Variants in ROBO1 observed in about 807,000 individuals in gnomAD.
ROBO1 encodes the protein roundabout guidance receptor 1.
In ROBO1, 149 loss-of-function variants were observed where a neutral mutation model predicts 195.9. The ratio of observed to expected loss-of-function variants is 0.76; its 90% CI spans 0.67 to 0.87. ROBO1 has a LOEUF of 0.87. Among genes scored for constraint, ROBO1 ranks in the 40% least tolerant of loss-of-function variants. The pLI is 0.00. For missense variants in ROBO1, 1,933 were observed against 2,068.3 expected (o/e 0.93, Z 1.27); for synonymous variants, 816 against 733.2 (o/e 1.11, Z -1.82).
intron 2 of ROBO1, among the ~76,000 whole-genome samples, chr3:79,297,733 T>C (rs901335343): frequency 6.6e-6 from 1 of 152,156 alleles, no homozygotes; most frequent in Non-Finnish European, 1.5e-5. Flanking sequence ...ATTTCTTTTA[T>C]TGAAATATGG....
chr3:78,637,987 G>T (rs765488572), intron 22 of ROBO1, among the ~76,000 whole-genome samples: 1 of 149,952 alleles, frequency 6.7e-6, no homozygotes, highest in African/African-American at 2.5e-5. Context: ...TTTTTTTTGG[G>T]GGGGGGAGGG....
chr3:79,353,097 G>A (rs1403565943), intron 2 of ROBO1, among the ~76,000 whole-genome samples: 2 of 152,038 alleles, frequency 1.3e-5, no homozygotes, highest in Non-Finnish European at 2.9e-5. Context: ...CTGTCTATCC[G>A]TAATCTAAAA....
chr3:79,116,435 T>G (rs1234777967), intron 3 of ROBO1, among the ~76,000 whole-genome samples: 1 of 150,950 alleles, frequency 6.6e-6, no homozygotes, highest in African/African-American at 2.4e-5. Flanking sequence ...TCTTTTCCTT[T>G]CCTTTCCTTT....
chr3:79,568,751 A>G (rs1943173945), intron 2 of ROBO1, among the ~76,000 whole-genome samples: 1 of 152,144 alleles, frequency 6.6e-6, no homozygotes, highest in Non-Finnish European at 1.5e-5. Context: ...TATTTGCCAT[A>G]TCACAGTGCA....
chr3:79,508,635 A>G (rs1940538284), intron 2 of ROBO1, among the ~76,000 whole-genome samples: 1 of 152,214 alleles, frequency 6.6e-6, no homozygotes, highest in Non-Finnish European at 1.5e-5. Context: ...ATTCTCAGAA[A>G]TTACGTTTGA....
intron 4 of ROBO1, among the ~76,000 whole-genome samples, chr3:78,864,462 T>G (rs2035040895): frequency 6.6e-6 from 1 of 150,592 alleles, no homozygotes; most frequent in African/African-American, 2.5e-5. Context: ...GCAAATATAT[T>G]TTTCAGACAC....
chr3:79,568,362 C>T (rs1943158101), intron 2 of ROBO1, among the ~76,000 whole-genome samples: 1 of 151,652 alleles, frequency 6.6e-6, no homozygotes, highest in African/African-American at 2.4e-5. Flanking sequence ...TCTGTCTCTC[C>T]ATATTCGAAT....
chr3:79,695,361 G>A (rs1947413630), intron 1 of ROBO1, among the ~76,000 whole-genome samples: 1 of 151,558 alleles, frequency 6.6e-6, no homozygotes, highest in South Asian at 2.1e-4. Flanking sequence ...GACGATGTGA[G>A]TATTCAATAC....
intron 3 of ROBO1, among the ~76,000 whole-genome samples, chr3:79,121,044 A>G (rs186213172): frequency 6.6e-6 from 1 of 152,282 alleles, no homozygotes; most frequent in East Asian, 1.9e-4. Flanking sequence ...AGATGTGATT[A>G]ATTTTGAACT....
intron 3 of ROBO1, among the ~76,000 whole-genome samples, chr3:78,963,508 T>C (rs866430199): frequency 3.1e-3 from 385 of 122,834 alleles, no homozygotes; most frequent in Non-Finnish European, 4.9e-3. Context: ...TTTTTTTTTT[T>C]TTTTTTTTTT....
intron 2 of ROBO1, among the ~76,000 whole-genome samples, chr3:79,209,265 A>C (rs2081928561): frequency 6.6e-6 from 1 of 152,158 alleles, no homozygotes; most frequent in African/African-American, 2.4e-5. Flanking sequence ...TTGTTGAGTT[A>C]CTTCAACTAG....
chr3:79,695,592 A>C (rs1414488508), intron 1 of ROBO1, among the ~76,000 whole-genome samples: 1 of 151,524 alleles, frequency 6.6e-6, no homozygotes, highest in African/African-American at 2.4e-5. Context: ...AATAAGAACT[A>C]CCTTGGGAGT....
intron 25 of ROBO1, among the ~76,000 whole-genome samples, chr3:78,628,897 A>T (rs1180377620): frequency 6.6e-6 from 1 of 152,192 alleles, no homozygotes; most frequent in Non-Finnish European, 1.5e-5. Context: ...CTACTGCAAC[A>T]ATCTTTTAAT....
rs186771978 is a variant in ROBO1, at chr3:79,170,252, A to G, written c.89-44713T>C. 1.2e-4 allele frequency among the ~76,000 whole-genome samples: 18 copies of G among 152,290 alleles called. No homozygotes were observed. The East Asian group carries it at 3.5e-3, about 29-fold the overall frequency. On this transcript the variant is annotated intron_variant, in intron 2 of 30. Coordinates refer to ENST00000464233, the MANE Select transcript of ROBO1 (RefSeq NM_002941.4). ...CCTACTAATTACTGATGAAATCATT[A>G]TAAGGACTCCATCAGTTAACACACC...
rs566916126 is a variant in ROBO1 at position 79,655,750 on chromosome 3, G to A, written c.-50-65789C>T. Among the ~76,000 whole-genome samples, 87 of 152,162 alleles carry A rather than the reference G, an allele frequency of 5.7e-4. 2 individuals are homozygous for A. In the South Asian group the frequency reaches 0.017, roughly 30 times the overall value. On this transcript the variant is annotated intron_variant, in intron 1 of 30. Coordinates refer to ENST00000464233, the MANE Select transcript of ROBO1 (RefSeq NM_002941.4). ...ACAAAGAAGAAAAGTAAGCAAGGGAGTATGTCTCAAAAAGAGCAAGCTACC... is the reference window on the plus strand; with the variant it reads ...ACAAAGAAGAAAAGTAAGCAAGGGAATATGTCTCAAAAAGAGCAAGCTACC...
At chr3:78,614,825 C>G in intron 27 of ROBO1, 25 bp from the exon 28 acceptor site, 1 of 1,540,614 alleles carries the variant, frequency 6.5e-7, no homozygotes. Context: ...AAAAAAAATC[C>G]AAGCCAAACT....
chr3:79,423,041 C>A (rs1028359354), intron 2 of ROBO1, among the ~76,000 whole-genome samples: 2 of 152,064 alleles, frequency 1.3e-5, no homozygotes, highest in African/African-American at 4.8e-5. Context: ...GCTCAAACGT[C>A]TGATATATCC....
At chr3:79,592,791 T>C (rs1944045190) in intron 1 of ROBO1, among the ~76,000 whole-genome samples, 1 of 152,078 alleles carries the variant, frequency 6.6e-6, no homozygotes. Flanking sequence ...CTTGGTGTTG[T>C]GCATTTTATG....
At chr3:79,700,386 A>G (rs1169730388) in intron 1 of ROBO1, among the ~76,000 whole-genome samples, 1 of 150,602 alleles carries the variant, frequency 6.6e-6, no homozygotes. Context: ...TTGGATATGT[A>G]CCCAGTAATG....
Sources: gnomAD v4.1 joint callset for allele counts (sites outside exome capture counted in the v4.1 genomes callset) on GRCh38, gnomAD v4.1.1 for gene constraint, MANE v1.5 for transcripts, NCBI Gene and HGNC (gene_info 2026-07-23, HGNC 2026-07-21) for gene names.